GRIK2: variants seen among roughly 807,000 people sequenced by gnomAD.
The protein encoded by GRIK2 is glutamate receptor ionotropic, kainate 2.
GRIK2 carries 32 observed loss-of-function variants against 100.3 expected under a neutral mutation model. The ratio of observed to expected loss-of-function variants is 0.32; its 90% CI spans 0.24 to 0.43. GRIK2 has a LOEUF of 0.43. Among genes scored for constraint, GRIK2 ranks in the 20% least tolerant of loss-of-function variants. GRIK2 has a pLI of 1.00. For missense variants in GRIK2, 843 were observed against 1,114.9 expected (o/e 0.76, Z 3.47); for synonymous variants, 417 against 389.4 (o/e 1.07, Z -0.83).
chr6:101,831,413 T>TA (rs1212297066), intron 10 of GRIK2, among the ~76,000 whole-genome samples: 1 of 152,098 alleles, frequency 6.6e-6, no homozygotes, highest in East Asian at 1.9e-4. Flanking sequence ...CTAATTTTGA[T>TA]AACCTGTGGT....
At chr6:101,601,856 C>G (rs929762877) in intron 2 of GRIK2, among the ~76,000 whole-genome samples, 3 of 151,548 alleles carry the variant, frequency 2.0e-5, no homozygotes, top group Non-Finnish European at 4.4e-5. Context: ...ATCTATTGAT[C>G]ATGTGTATCC....
intron 4 of GRIK2, among the ~76,000 whole-genome samples, chr6:101,651,891 A>G (rs781343474): frequency 6.6e-6 from 1 of 152,192 alleles, no homozygotes; most frequent in Non-Finnish European, 1.5e-5. Context: ...AGAAGTGAGT[A>G]TAAACAAAGA....
intron 15 of GRIK2, among the ~76,000 whole-genome samples, chr6:102,042,219 T>A (rs916192929): frequency 6.6e-6 from 1 of 151,568 alleles, no homozygotes; most frequent in African/African-American, 2.4e-5. Context: ...GTAAACAATC[T>A]TTTTAGTAAA....
chr6:101,722,732 T>C (rs944001070), intron 7 of GRIK2, among the ~76,000 whole-genome samples: 2 of 152,054 alleles, frequency 1.3e-5, no homozygotes, highest in Non-Finnish European at 2.9e-5. Flanking sequence ...TAAAATATTA[T>C]GAGATGGTGG....
At chr6:101,652,352 G>T (rs1781840544) in intron 4 of GRIK2, among the ~76,000 whole-genome samples, 1 of 152,074 alleles carries the variant, frequency 6.6e-6, no homozygotes, top group Non-Finnish European at 1.5e-5. Context: ...ATACAAAAAG[G>T]TGGCCCTCCA....
chr6:101,748,068 G>T (rs1447107213), intron 7 of GRIK2, among the ~76,000 whole-genome samples: 1 of 152,122 alleles, frequency 6.6e-6, no homozygotes, highest in Non-Finnish European at 1.5e-5. Flanking sequence ...GCAAAATTAT[G>T]TTACTGCAGT....
chr6:101,598,304 T>A (rs1438875653), intron 2 of GRIK2, among the ~76,000 whole-genome samples: 1 of 151,578 alleles, frequency 6.6e-6, no homozygotes, highest in Non-Finnish European at 1.5e-5. Flanking sequence ...TTAGCAGAAC[T>A]GTTTGTCTTT....
chr6:102,000,460 C>A (rs1199937961), intron 14 of GRIK2, among the ~76,000 whole-genome samples: 1 of 151,754 alleles, frequency 6.6e-6, no homozygotes, highest in African/African-American at 2.4e-5. Context: ...GCCTATTGTT[C>A]CCATATTTAC....
chr6:101,793,716 G>A (rs1780069614), intron 7 of GRIK2, among the ~76,000 whole-genome samples: 1 of 152,254 alleles, frequency 6.6e-6, no homozygotes, highest in Non-Finnish European at 1.5e-5. Flanking sequence ...CTGCCTGCTG[G>A]GAGAACCACT....
At chr6:101,712,009 A>G (rs2128359601) in intron 7 of GRIK2, among the ~76,000 whole-genome samples, 1 of 151,954 alleles carries the variant, frequency 6.6e-6, no homozygotes, top group Non-Finnish European at 1.5e-5. Flanking sequence ...CAACTGGTAA[A>G]ATAGAAACTA....
Position 101,818,457 on chromosome 6 carries a change from C to T in GRIK2, c.1291C>T (p.Arg431Cys), listed in dbSNP as rs1269034550. Residue 431 changes from arginine (R) to cysteine (C), a missense_variant, in exon 10 of 17, where the codon CGT becomes TGT. Around this residue, in one of 3 missense-constraint regions of GRIK2, gnomAD observed 519 missense variants for 643.8 expected, o/e 0.81. Coordinates refer to ENST00000369134, the MANE Select transcript of GRIK2 (RefSeq NM_021956.5). ...GAACATCACAGATTCCTTATCCAATCGTTCTTTGATTGTTACCACCATTTT... is the reference window on the plus strand; with the variant it reads ...GAACATCACAGATTCCTTATCCAATTGTTCTTTGATTGTTACCACCATTTT... ...PANITDSLSN[R>C]SLIVTTILEE... 2 of 1,603,312 alleles carry T rather than the reference C, an allele frequency of 1.2e-6. No homozygotes were observed. Among genetic ancestry groups the T allele is most frequent in the African/African-American group, 1.3e-5 (1 of 74,798 alleles).
In GRIK2 at chr6:101,491,739, T is replaced by G. The variant is rs184566811; in HGVS notation, c.115+92347T>G. Among the ~76,000 whole-genome samples the G allele has an allele frequency of 4.9e-3, 744 of 152,088 alleles. 4 individuals are homozygous for G. Among genetic ancestry groups the G allele is most frequent in the Admixed American group, 0.01 (157 of 15,220 alleles). On this transcript the variant is annotated intron_variant, in intron 2 of 16. Coordinates refer to ENST00000369134, the MANE Select transcript of GRIK2 (RefSeq NM_021956.5). ...TTTCTTACATACTATACTATTATCT[T>G]TATCACAACTACCATAATTAATAAT...
In GRIK2 at chr6:101,763,825, G is replaced by GT. The variant is rs530910471; in HGVS notation, c.952-35816dup. On this transcript the variant is annotated intron_variant, in intron 7 of 16. Coordinates refer to ENST00000369134, the MANE Select transcript of GRIK2 (RefSeq NM_021956.5). Reference sequence around the variant, plus strand: ...ATATTATTTGGAAAAGAGGCCATGCGTTTTTTTGTTTTTTTGTTTTTTTTT... The same window carrying GT: ...ATATTATTTGGAAAAGAGGCCATGCGTTTTTTTTGTTTTTTTGTTTTTTTTT... Among the ~76,000 whole-genome samples, 31 of 143,276 alleles carry GT rather than the reference G, an allele frequency of 2.2e-4. No homozygotes were observed. The South Asian group carries it at 6.1e-3, about 28-fold the overall frequency. The allele number at this position is 143,276 out of a possible 152,430, so 94.0% of individuals were successfully genotyped here. A position where few individuals can be genotyped will look rare whatever the true frequency, so the allele number is the denominator to read the frequency against.
intron 7 of GRIK2, among the ~76,000 whole-genome samples, chr6:101,716,617 G>A: frequency 9.5e-6 from 1 of 105,390 alleles, no homozygotes. Context: ...GGGGGAGGGG[G>A]GAGGGATAGC....
intron 2 of GRIK2, among the ~76,000 whole-genome samples, chr6:101,616,823 A>G (rs185420735): frequency 6.6e-6 from 1 of 151,902 alleles, no homozygotes; most frequent in East Asian, 1.9e-4. Flanking sequence ...CATTGTTTTA[A>G]TTAACCTTTC....
chr6:101,473,276 A>G (rs538954817), intron 2 of GRIK2, among the ~76,000 whole-genome samples: 1 of 151,244 alleles, frequency 6.6e-6, no homozygotes, highest in African/African-American at 2.4e-5. Context: ...TGTGGATTAA[A>G]TGATTTATTT....
chr6:101,844,826 T>A (rs1278964362), intron 10 of GRIK2, among the ~76,000 whole-genome samples: 1 of 152,188 alleles, frequency 6.6e-6, no homozygotes, highest in Non-Finnish European at 1.5e-5. Context: ...CTCTTTTATT[T>A]AGGTAAAACT....
chr6:102,035,265 G>C (rs1383397609), intron 14 of GRIK2, 76 bp from the exon 15 acceptor site: 16 of 654,484 alleles, frequency 2.4e-5, no homozygotes, highest in Non-Finnish European at 3.8e-5. Flanking sequence ...GTAGTTCATT[G>C]TGTCTAAGCA....
chr6:101,545,697 C>G (rs1357801978), intron 2 of GRIK2, among the ~76,000 whole-genome samples: 1 of 152,018 alleles, frequency 6.6e-6, no homozygotes, highest in Non-Finnish European at 1.5e-5. Context: ...TTTTACTAGG[C>G]AAAGATTTTA....
Sources: allele counts gnomAD v4.1 joint callset (sites outside exome capture counted in the v4.1 genomes callset), GRCh38; gene constraint gnomAD v4.1.1; regional missense constraint gnomAD v4.1.1; transcripts MANE v1.5; gene names NCBI Gene and HGNC (gene_info 2026-07-23, HGNC 2026-07-21).